Variants in LIPM observed in about 807,000 individuals in gnomAD.
LIPM encodes lipase member M.
Under a neutral mutation model 42.4 loss-of-function variants are expected in LIPM, and 42 were observed. The ratio of observed to expected loss-of-function variants is 0.99; its 90% CI spans 0.77 to 1.28. The LOEUF is 1.28. Among genes scored for constraint, LIPM ranks in the 50% most tolerant of loss-of-function variants. The pLI, the probability that LIPM is intolerant of heterozygous loss-of-function variation, is 0.00. For missense variants in LIPM, 524 were observed against 520.1 expected (o/e 1.01, Z -0.07); for synonymous variants, 177 against 173.3 (o/e 1.02, Z -0.17).
chr10:88,815,029 A>G, intron 4 of LIPM, 59 bp from the exon 5 acceptor site: 2 of 1,448,024 alleles, frequency 1.4e-6, no homozygotes, highest in South Asian at 1.4e-5. Flanking sequence ...AGCAAAATAT[A>G]CATTTTATGA....
chr10:88,817,765 C>A, intron 7 of LIPM, 60 bp from the exon 8 acceptor site: 1 of 1,185,352 alleles, frequency 8.4e-7, no homozygotes, highest in South Asian at 1.3e-5. Flanking sequence ...ATTTCCACCA[C>A]CCCACCACGC....
chr10:88,807,270 A>T (rs1377277000), intron 1 of LIPM, among the ~76,000 whole-genome samples: 1 of 152,228 alleles, frequency 6.6e-6, no homozygotes, highest in Non-Finnish European at 1.5e-5. Flanking sequence ...TCTCAAGATT[A>T]TACAGCTAGT....
At chr10:88,810,536 C>T (rs768387499) in intron 2 of LIPM, among the ~76,000 whole-genome samples, 37 of 151,762 alleles carry the variant, frequency 2.4e-4, no homozygotes, top group South Asian at 6.2e-4. Flanking sequence ...ATTCACCAAC[C>T]AAGAAAGCCA....
chr10:88,813,871 C>A (rs1040025449), intron 3 of LIPM, among the ~76,000 whole-genome samples: 4 of 152,060 alleles, frequency 2.6e-5, no homozygotes, highest in Non-Finnish European at 5.9e-5. Flanking sequence ...GGGAAGAGCC[C>A]TTTATAAAAC....
At chr10:88,803,551 G>A (rs150112650) in intron 1 of LIPM, among the ~76,000 whole-genome samples, 177 of 151,016 alleles carry the variant, frequency 1.2e-3, no homozygotes, top group African/African-American at 4.1e-3. Context: ...CCCCGAGTTA[G>A]TGCTACACAG....
chr10:88,815,535 C>T, intron 6 of LIPM, 32 bp downstream of exon 6: 1 of 1,546,442 alleles, frequency 6.5e-7, no homozygotes. Flanking sequence ...TCCCAGCATC[C>T]CAGCATAAAG....
Position 88,813,309 on chromosome 10 carries a change from T to C in LIPM, c.464+14T>C. ...CTGGGCTTTCAGGTATATGATAATCTCGAGAACAGAGGTAGACATGTCTGT... is the reference window on the plus strand; with the variant it reads ...CTGGGCTTTCAGGTATATGATAATCCCGAGAACAGAGGTAGACATGTCTGT... On this transcript the variant is annotated intron_variant, in intron 3 of 8. Transcript: ENST00000404743. 2 of 1,551,198 alleles carry C rather than the reference T, an allele frequency of 1.3e-6. No homozygotes were observed. Among genetic ancestry groups the C allele is most frequent in the Non-Finnish European group, 1.7e-6 (2 of 1,145,004 alleles).
rs1456583285 is a variant in LIPM at position 88,816,823 on chromosome 10, C to T, written c.866C>T (p.Ala289Val). ...ACTCATGGTTTGTTACAGAGCCGAG[C>T]AAGTGTATATGCTGCCCACACTCTT... is the stretch of plus-strand genomic sequence containing the variant. ...FNTNNMNMSR[A>V]SVYAAHTLAG... The change falls in exon 7 of 9, where the codon GCA becomes GTA. Residue 289 changes from alanine to valine, a missense_variant. Transcript: ENST00000404743. 1.9e-6 allele frequency: 3 copies of T among 1,550,650 alleles called. No homozygotes were observed. The highest frequency in any genetic ancestry group is 2.6e-6 in the Non-Finnish European group (3 of 1,146,202).
Position 88,815,390 on chromosome 10 carries a change from A to G in LIPM, c.745A>G (p.Thr249Ala), listed in dbSNP as rs1221528010. 1.9e-6 allele frequency: 3 copies of G among 1,551,458 alleles called. No homozygotes were observed. Among genetic ancestry groups the G allele is most frequent in the Non-Finnish European group, 2.6e-6 (3 of 1,146,930 alleles). ...TGGCAAAAAAGAATTTCTGTATCAGACCAGATTTCTCAGACAACTTGTTAT... is the reference window on the plus strand; with the variant it reads ...TGGCAAAAAAGAATTTCTGTATCAGGCCAGATTTCTCAGACAACTTGTTAT... ...LFGKKEFLYQ[T>A]RFLRQLVIYL... The change falls in exon 6 of 9, where the codon ACC becomes GCC. Residue 249 changes from threonine (T) to alanine (A), a missense_variant. Transcript: ENST00000404743.
At chr10:88,806,249 C>A (rs1315677333) in intron 1 of LIPM, among the ~76,000 whole-genome samples, 1 of 152,158 alleles carries the variant, frequency 6.6e-6, no homozygotes, top group Non-Finnish European at 1.5e-5. Flanking sequence ...GTCCATGTCC[C>A]TATCCCTACC....
chr10:88,816,771 T>C lies in LIPM; in HGVS notation c.859-45T>C, dbSNP rs919010129. The C allele has an allele frequency of 3.1e-6, 4 of 1,310,164 alleles. No individual in the cohort carries two copies. In the African/African-American group the frequency reaches 5.8e-5, roughly 19 times the overall value. The allele number at this position is 1,310,164 out of a possible 1,614,324, so 81.2% of individuals were successfully genotyped here. On this transcript the variant is annotated intron_variant, in intron 6 of 8. Transcript: ENST00000404743. ...TTTGGTCTTGACAGGGTATACATCT[T>C]GTGAGTTTTTCTATGTCCCCCAGAA...
chr10:88,819,055 T>G (rs1843753868), intron 8 of LIPM, among the ~76,000 whole-genome samples: 1 of 113,042 alleles, frequency 8.8e-6, no homozygotes, highest in Admixed American at 8.6e-5. Flanking sequence ...GCTCAGCTAA[T>G]TTTTTTTTTG....
chr10:88,804,440 A>G (rs904710009), intron 1 of LIPM, among the ~76,000 whole-genome samples: 11 of 152,226 alleles, frequency 7.2e-5, no homozygotes, highest in African/African-American at 2.7e-4. Context: ...AATTCGTACG[A>G]TTGGTGTAAA....
Position 88,820,276 on chromosome 10 carries a change from A to G in LIPM, c.1047A>G (p.Thr349=). 1.3e-6 allele frequency: 2 copies of G among 1,551,980 alleles called. No homozygotes were observed. Among genetic ancestry groups the G allele is most frequent in the Non-Finnish European group, 1.7e-6 (2 of 1,147,056 alleles). The change falls in exon 9 of 9, where the codon ACA becomes ACG. Residue 349 remains threonine (T), a synonymous_variant. Coordinates refer to ENST00000404743, the MANE Select transcript of LIPM (RefSeq NM_001128215.1). ...GAGTCAGAGATATGACGGTCCCTAC[A>G]GCAATGTGGACAGGAGGTCAGGACT... The part of the protein sequence containing the change: ...RYRVRDMTVP[T]AMWTGGQDWL...
intron 2 of LIPM, among the ~76,000 whole-genome samples, chr10:88,811,874 T>C (rs1390837556): frequency 6.6e-6 from 1 of 152,166 alleles, no homozygotes; most frequent in Non-Finnish European, 1.5e-5. Flanking sequence ...TTCTCTTCTA[T>C]AACTGCAATA....
chr10:88,820,538 A>AG lies in LIPM; in HGVS notation c.*40dup. 6.5e-7 allele frequency: 1 copy of AG among 1,533,902 alleles called. No homozygotes were observed. Among genetic ancestry groups the AG allele is most frequent in the Non-Finnish European group, 8.8e-7 (1 of 1,140,208 alleles). On this transcript the variant is annotated 3_prime_UTR_variant, in exon 9 of 9. Coordinates refer to ENST00000404743, the MANE Select transcript of LIPM (RefSeq NM_001128215.1). ...CTGACGATCTTAGGACAACCTCCTG[A>AG]GGGATGGGGCTAGGACCCATGAAGG...
chr10:88,805,703 C>A (rs1196647781), intron 1 of LIPM, among the ~76,000 whole-genome samples: 3 of 152,218 alleles, frequency 2.0e-5, no homozygotes, highest in Non-Finnish European at 4.4e-5. Flanking sequence ...TACCCTTCTA[C>A]AACATCATTT....
intron 1 of LIPM, 50 bp downstream of exon 1, chr10:88,803,093 A>G: frequency 1.3e-6 from 2 of 1,512,622 alleles, no homozygotes; most frequent in Non-Finnish European, 1.8e-6. Context: ...TAACGTTTGT[A>G]TCTGTGTATT....
intron 1 of LIPM, among the ~76,000 whole-genome samples, chr10:88,805,451 T>G (rs930749834): frequency 6.6e-6 from 1 of 152,212 alleles, no homozygotes; most frequent in Non-Finnish European, 1.5e-5. Flanking sequence ...CTTTTAAACA[T>G]TGACTTTTTT....
Sources: allele counts gnomAD v4.1 joint callset (sites outside exome capture counted in the v4.1 genomes callset), GRCh38; gene constraint gnomAD v4.1.1; transcripts MANE v1.5; gene names NCBI Gene and HGNC (gene_info 2026-07-23, HGNC 2026-07-21).